The following ERBB4 variants were observed in gnomAD, a reference collection of about 807,000 sequenced individuals.
ERBB4 encodes the protein receptor tyrosine-protein kinase erbB-4.
A neutral mutation model predicts 158.0 loss-of-function variants in ERBB4; 42 were observed. That is an observed-to-expected ratio of 0.27 (90% CI 0.21 to 0.34). The LOEUF is 0.34. ERBB4 is among the 10% of genes least tolerant of loss of function. The probability of loss-of-function intolerance (pLI) is 1.00; values close to 1 mark genes in which losing one functional copy is unlikely to be tolerated. For missense variants in ERBB4, 1,333 were observed against 1,624.1 expected (o/e 0.82, Z 3.08); for synonymous variants, 583 against 558.7 (o/e 1.04, Z -0.61).
At chr2:211,676,476 AC>A (rs2072075335) in intron 13 of ERBB4, among the ~76,000 whole-genome samples, 1 of 152,184 alleles carries the variant, frequency 6.6e-6, no homozygotes, top group South Asian at 2.1e-4. Context: ...TGAGATAGAA[AC>A]TGGTGTATAC....
intron 5 of ERBB4, among the ~76,000 whole-genome samples, chr2:211,740,285 A>T (rs775975499): frequency 1.3e-5 from 2 of 151,896 alleles, no homozygotes; most frequent in Non-Finnish European, 2.9e-5. Flanking sequence ...ATTATTTTTT[A>T]AAATATTTTT....
At chr2:211,666,365 A>G (rs1377581408) in intron 14 of ERBB4, among the ~76,000 whole-genome samples, 2 of 152,166 alleles carry the variant, frequency 1.3e-5, no homozygotes, top group Non-Finnish European at 2.9e-5. Context: ...ATGCAAATAG[A>G]ACAAACTCAT....
chr2:212,312,089 T>C (rs537278804), intron 1 of ERBB4, among the ~76,000 whole-genome samples: 2 of 151,156 alleles, frequency 1.3e-5, no homozygotes, highest in South Asian at 2.1e-4. Context: ...AGATTTTTCC[T>C]GGATAGGCAT....
At chr2:211,506,183 T>TTTATA in intron 20 of ERBB4, among the ~76,000 whole-genome samples, 1 of 150,670 alleles carries the variant, frequency 6.6e-6, no homozygotes, top group Non-Finnish European at 1.5e-5. Context: ...GGGCATTATA[T>TTTATA]AACAATAAAG....
intron 1 of ERBB4, among the ~76,000 whole-genome samples, chr2:212,383,874 T>C (rs905011882): frequency 6.6e-5 from 10 of 151,698 alleles, no homozygotes; most frequent in African/African-American, 2.2e-4. Flanking sequence ...AGATTAATTT[T>C]AAGGACCACA....
intron 3 of ERBB4, among the ~76,000 whole-genome samples, chr2:211,906,958 G>A (rs1223720016): frequency 1.3e-5 from 2 of 151,582 alleles, no homozygotes; most frequent in Admixed American, 6.6e-5. Context: ...GTATAAAGAG[G>A]CAGTGGTGTG....
intron 12 of ERBB4, among the ~76,000 whole-genome samples, chr2:211,690,517 A>G (rs540868731): frequency 9.9e-5 from 15 of 152,282 alleles, no homozygotes; most frequent in African/African-American, 3.4e-4. Context: ...TCAGGGAAAC[A>G]ATATCTATTG....
Position 211,716,081 on chromosome 2 carries a change from G to A in ERBB4, c.884-2433C>T, listed in dbSNP as rs571092241. Among the ~76,000 whole-genome samples the A allele has an allele frequency of 2.9e-3, 437 of 152,258 alleles. 5 individuals carry two copies. Among genetic ancestry groups the A allele is most frequent in the African/African-American group, 0.01 (425 of 41,554 alleles). On this transcript the variant is annotated intron_variant, in intron 7 of 27. Transcript: ENST00000342788. ...ACCTGCATTTAGAAGCTGAATGTCC[G>A]ACCGGGCACAGTGGCTCACGCCTGT...
chr2:212,194,841 T>G (rs1219568277), intron 1 of ERBB4, among the ~76,000 whole-genome samples: 3 of 152,030 alleles, frequency 2.0e-5, no homozygotes, highest in Non-Finnish European at 1.5e-5. Context: ...TTCCATCTAT[T>G]AAGCCACATG....
At chr2:211,841,001 A>G (rs1427204565) in intron 3 of ERBB4, among the ~76,000 whole-genome samples, 1 of 152,106 alleles carries the variant, frequency 6.6e-6, no homozygotes, top group Non-Finnish European at 1.5e-5. Context: ...ATATACCAAT[A>G]TGTGCTTAGA....
chr2:212,511,455 T>C (rs1306705778), intron 1 of ERBB4, among the ~76,000 whole-genome samples: 1 of 152,172 alleles, frequency 6.6e-6, no homozygotes, highest in Non-Finnish European at 1.5e-5. Context: ...TTACAAAATT[T>C]AGGACAATTT....
chr2:211,605,623 A>G (rs2068953094), intron 19 of ERBB4, among the ~76,000 whole-genome samples: 1 of 152,164 alleles, frequency 6.6e-6, no homozygotes, highest in Non-Finnish European at 1.5e-5. Context: ...GTAAATAAAT[A>G]GAGGCTATTT....
intron 1 of ERBB4, among the ~76,000 whole-genome samples, chr2:212,364,114 C>A (rs974219603): frequency 2.0e-5 from 3 of 151,696 alleles, no homozygotes; most frequent in Non-Finnish European, 4.4e-5. Context: ...TGGGCTGCAA[C>A]TTTCCTTTCT....
chr2:211,747,190 C>T (rs1010949746), intron 5 of ERBB4, among the ~76,000 whole-genome samples: 3 of 152,142 alleles, frequency 2.0e-5, no homozygotes, highest in African/African-American at 7.2e-5. Context: ...AGTCAATTAT[C>T]CACCCATATT....
intron 1 of ERBB4, among the ~76,000 whole-genome samples, chr2:212,524,435 C>T (rs1692337783): frequency 1.3e-5 from 2 of 151,970 alleles, no homozygotes; most frequent in African/African-American, 4.8e-5. Context: ...GTTATCACCA[C>T]ATAGATGATA....
At chr2:212,212,675 A>T (rs2082974255) in intron 1 of ERBB4, among the ~76,000 whole-genome samples, 2 of 152,148 alleles carry the variant, frequency 1.3e-5, no homozygotes, top group Non-Finnish European at 2.9e-5. Flanking sequence ...CTATACTACA[A>T]GGCTACAGTA....
intron 2 of ERBB4, among the ~76,000 whole-genome samples, chr2:211,984,577 G>T (rs960321831): frequency 6.6e-6 from 1 of 151,894 alleles, no homozygotes; most frequent in East Asian, 1.9e-4. Context: ...CAGAAATTCA[G>T]GTTTGTACTC....
At chr2:211,747,930 G>A (rs1184172107) in intron 5 of ERBB4, among the ~76,000 whole-genome samples, 2 of 151,626 alleles carry the variant, frequency 1.3e-5, no homozygotes, top group Non-Finnish European at 2.9e-5. Context: ...ATATGAAATG[G>A]CATATAATAT....
chr2:211,521,141 G>C (rs938218665), intron 20 of ERBB4, among the ~76,000 whole-genome samples: 1 of 152,158 alleles, frequency 6.6e-6, no homozygotes, highest in Non-Finnish European at 1.5e-5. Context: ...ATTAAGCATA[G>C]TGAGGAAGGC....
Sources: allele counts gnomAD v4.1 joint callset (sites outside exome capture counted in the v4.1 genomes callset), GRCh38; gene constraint gnomAD v4.1.1; transcripts MANE v1.5; gene names NCBI Gene and HGNC (gene_info 2026-07-23, HGNC 2026-07-21).